The following EVC2 variants were observed in gnomAD, a reference collection of about 807,000 sequenced individuals.
The protein encoded by EVC2 is limbin.
In EVC2, 148 loss-of-function variants were observed where a neutral mutation model predicts 149.3. The observed-to-expected ratio is 0.99, with a 90% CI of 0.87 to 1.14. The LOEUF (loss-of-function observed/expected upper bound fraction) is 1.14. Among genes scored for constraint, EVC2 ranks in the 50% most tolerant of loss-of-function variants. The pLI is 0.00. For missense variants in EVC2, 1,854 were observed against 1,627.3 expected, an observed-to-expected ratio of 1.14 and a Z score of -2.40; for synonymous variants, 776 against 649.9, an observed-to-expected ratio of 1.19 and a Z score of -2.95.
At chr4:5,599,236 T>G (rs6828826) in intron 16 of EVC2, among the ~76,000 whole-genome samples, 1 of 149,346 alleles carries the variant, frequency 6.7e-6, no homozygotes, top group Non-Finnish European at 1.5e-5. Context: ...TACCCAAAGG[T>G]CTATAAATCA....
At chr4:5,634,159 G>T (rs1280212301) in intron 10 of EVC2, among the ~76,000 whole-genome samples, 1 of 152,182 alleles carries the variant, frequency 6.6e-6, no homozygotes, top group Non-Finnish European at 1.5e-5. Context: ...CTAATAGCTT[G>T]CCTTGCCCAC....
intron 1 of EVC2, 190 bp downstream of exon 1, chr4:5,708,096 G>T (rs1722333494): frequency 4.2e-6 from 2 of 471,936 alleles, no homozygotes; most frequent in East Asian, 7.1e-5. Context: ...CCCGAGGAAG[G>T]TCTCCAGTTT....
At chr4:5,601,838 G>A (rs1249461594) in intron 16 of EVC2, among the ~76,000 whole-genome samples, 12 of 152,304 alleles carry the variant, frequency 7.9e-5, no homozygotes, top group Admixed American at 6.5e-4. Context: ...CCCCAAGATG[G>A]CAGCTGTGCA....
chr4:5,671,085 T>C (rs1719618539), intron 7 of EVC2, among the ~76,000 whole-genome samples: 1 of 152,254 alleles, frequency 6.6e-6, no homozygotes, highest in South Asian at 2.1e-4. Flanking sequence ...GCTTTACATG[T>C]ATTAATCCAT....
Position 5,618,731 on chromosome 4 carries a change from G to A in EVC2, c.2502-49C>T. 1 of 1,537,070 alleles carries A rather than the reference G, an allele frequency of 6.5e-7. No homozygotes were observed. Among genetic ancestry groups the A allele is most frequent in the Non-Finnish European group, 8.8e-7 (1 of 1,133,182 alleles). On this transcript the variant is annotated intron_variant, in intron 14 of 21. Coordinates refer to ENST00000344408, the MANE Select transcript of EVC2 (RefSeq NM_147127.5). This position sits in a 1 kb window ranked among gnomAD's most constrained non-coding sequence, Gnocchi z 4.4. ...CTCTTAACACAGAGAAAGCCTGGGG[G>A]CTGGGCTGGGGTGAAGAAGCCAGAG... is the stretch of plus-strand genomic sequence containing the variant.
At chr4:5,664,617 T>A (rs1223449850) in intron 8 of EVC2, among the ~76,000 whole-genome samples, 3 of 151,942 alleles carry the variant, frequency 2.0e-5, no homozygotes, top group Admixed American at 6.6e-5. Context: ...GAAATGACAA[T>A]CCTCTCCTCC....
At position 5,637,279 on chromosome 4, in the gene EVC2, G is replaced by C. The variant is rs530614374; in HGVS notation, c.1470+3235C>G. Among the ~76,000 whole-genome samples, 12 of 152,302 alleles carry C rather than the reference G, an allele frequency of 7.9e-5. No homozygotes were observed. The highest frequency in any genetic ancestry group is 3.4e-3 in the Middle Eastern group (1 of 294). Reference sequence around the variant, plus strand: ...CGGGTTCACATGGGGCGCACAGCAGGGGGACGTAACCTCCACTGCAGGAGG... The same window carrying C: ...CGGGTTCACATGGGGCGCACAGCAGCGGGACGTAACCTCCACTGCAGGAGG... On this transcript the variant is annotated intron_variant, in intron 10 of 21. Coordinates refer to ENST00000344408, the MANE Select transcript of EVC2 (RefSeq NM_147127.5). The surrounding 1 kb of genome is among the most constrained non-coding windows in gnomAD (Gnocchi z 4.4).
rs968416048 is a variant in EVC2, at chr4:5,575,989, A to G, written c.3272+251T>C. Among the ~76,000 whole-genome samples the G allele has an allele frequency of 5.9e-5, 9 of 152,358 alleles. No individual in the cohort carries two copies. The South Asian group carries it at 1.0e-3, about 18-fold the overall frequency. ...TACCTTTGCAACTTCTTGTGAGTCT[A>G]TATTTCAAAATAAAAAGTTTAAAAA... On this transcript the variant is annotated intron_variant, in intron 18 of 21. Transcript: ENST00000344408.
Position 5,615,851 on chromosome 4 carries a change from G to A in EVC2, c.2707-307C>T, listed in dbSNP as rs1415928630. On this transcript the variant is annotated intron_variant, in intron 15 of 21. Coordinates refer to ENST00000344408, the MANE Select transcript of EVC2 (RefSeq NM_147127.5). ...GCGTGTCCACCTCCTAACTAGCCAC[G>A]GGACCTCAGACCTGTCAGCCTCTCT... Among the ~76,000 whole-genome samples the A allele has an allele frequency of 4.6e-5, 7 of 152,184 alleles. No homozygotes were observed. In the East Asian group the frequency reaches 7.7e-4, roughly 17 times the overall value.
intron 7 of EVC2, among the ~76,000 whole-genome samples, chr4:5,671,175 GT>G (rs1268461672): frequency 4.6e-5 from 4 of 86,110 alleles, no homozygotes; most frequent in Non-Finnish European, 9.4e-5. Context: ...GTAGAAAAAA[GT>G]TTTTAAAATG....
At chr4:5,556,936 T>C (rs1032522509) in intron 21 of EVC2, among the ~76,000 whole-genome samples, 3 of 152,082 alleles carry the variant, frequency 2.0e-5, no homozygotes, top group South Asian at 2.1e-4. Flanking sequence ...CTATAATTGG[T>C]ACCCTTCCAA....
At chr4:5,549,102 A>G (rs1397117282) in intron 21 of EVC2, among the ~76,000 whole-genome samples, 2 of 152,090 alleles carry the variant, frequency 1.3e-5, no homozygotes, top group Non-Finnish European at 2.9e-5. Context: ...CAGGTCATCA[A>G]ATATTCATTA....
chr4:5,540,467 C>T (rs73070480), downstream of EVC2, among the ~76,000 whole-genome samples: 598 of 152,338 alleles, frequency 3.9e-3, 2 homozygotes, highest in African/African-American at 0.012. Context: ...ATGTATGGTA[C>T]ATCCATACTG....
At chr4:5,555,072 T>A (rs1017085111) in intron 21 of EVC2, among the ~76,000 whole-genome samples, 5 of 142,172 alleles carry the variant, frequency 3.5e-5, no homozygotes, top group African/African-American at 1.3e-4. Context: ...GTAAGGAGAG[T>A]TGGGTCATCA....
rs1721329774 is a variant in EVC2, at chr4:5,694,409, A to C, written c.376T>G (p.Ser126Ala). 1 of 1,614,184 alleles carries C rather than the reference A, an allele frequency of 6.2e-7. No homozygotes were observed. The highest frequency in any genetic ancestry group is 8.5e-7 in the Non-Finnish European group (1 of 1,180,034). ...CAGGAGGGTATAAAAGCAAATAAGG[A>C]ATGAGCCCATGGCCCACTAGAGGCT... The part of the protein sequence containing the change: ...SAASSGPWAH[S>A]LFAFIPSWPK... Residue 126 changes from serine (S) to alanine (A), a missense_variant, in exon 3 of 22, where the codon TCC becomes GCC. By Grantham distance (99) the Ser-to-Ala change is moderately conservative. Coordinates refer to ENST00000344408, the MANE Select transcript of EVC2 (RefSeq NM_147127.5).
rs1232409027 is a variant in EVC2, at chr4:5,686,811, C to T, written c.707-1332G>A. Among the ~76,000 whole-genome samples, 3 of 151,028 alleles carry T rather than the reference C, an allele frequency of 2.0e-5. No homozygotes were observed. The highest frequency in any genetic ancestry group is 4.4e-5 in the Non-Finnish European group (3 of 67,890). ...GGAAAAAAAAAAAAAGTCACCTGTG[C>T]CCCAAGGTGAAAATCAATGTCACAT... On this transcript the variant is annotated intron_variant, in intron 5 of 21. Transcript: ENST00000344408. This position sits in a 1 kb window ranked among gnomAD's most constrained non-coding sequence, Gnocchi z 5.4.
In EVC2 at chr4:5,694,332, T is replaced by C; in HGVS notation, c.450+3A>G. ...GTGTTAAAGCATTGAACTTAATACTTACCAGGCGGTGTGTTATAGGAGACT... is the reference window on the plus strand; with the variant it reads ...GTGTTAAAGCATTGAACTTAATACTCACCAGGCGGTGTGTTATAGGAGACT... On this transcript the variant is annotated splice_donor_region_variant and intron_variant, in intron 3 of 21. Transcript: ENST00000344408. 1 of 1,613,912 alleles carries C rather than the reference T, an allele frequency of 6.2e-7. No individual in the cohort carries two copies. Among genetic ancestry groups the C allele is most frequent in the Non-Finnish European group, 8.5e-7 (1 of 1,179,896 alleles).
intron 7 of EVC2, among the ~76,000 whole-genome samples, chr4:5,675,227 A>C (rs1370511840): frequency 6.6e-6 from 1 of 152,246 alleles, no homozygotes; most frequent in Non-Finnish European, 1.5e-5. Flanking sequence ...TGCTGTTTTT[A>C]AAGTTTGCAA....
chr4:5,586,243 TC>T (rs1712266617), intron 16 of EVC2, among the ~76,000 whole-genome samples: 1 of 152,136 alleles, frequency 6.6e-6, no homozygotes, highest in Non-Finnish European at 1.5e-5. Context: ...CTCTTATGCT[TC>T]CCCCTTCCCT....
Sources: gnomAD v4.1 joint callset for allele counts (sites outside exome capture counted in the v4.1 genomes callset) on GRCh38, gnomAD v4.1.1 for gene constraint, Gnocchi (gnomAD v3.1) non-coding constraint, MANE v1.5 for transcripts, NCBI Gene and HGNC (gene_info 2026-07-23, HGNC 2026-07-21) for gene names.